IGF1R: variants seen among roughly 807,000 people sequenced by gnomAD.
The protein encoded by IGF1R is insulin like growth factor 1 receptor, also known as insulin-like growth factor 1 receptor.
IGF1R carries 44 observed loss-of-function variants against 144.6 expected under a neutral mutation model. The observed-to-expected ratio is 0.30, with a 90% CI of 0.24 to 0.39. IGF1R has a LOEUF of 0.39. Among genes scored for constraint, IGF1R ranks in the 10% least tolerant of loss-of-function variants. The pLI is 1.00. For synonymous variants in IGF1R, 795 were observed against 722.8 expected, an observed-to-expected ratio of 1.10 and a Z score of -1.60; for missense variants, 1,355 against 1,833.7, an observed-to-expected ratio of 0.74 and a Z score of 4.77.
At position 98,891,439 on chromosome 15, in the gene IGF1R, G is replaced by T. The variant is rs751059746; in HGVS notation, c.755G>T (p.Arg252Leu). The T allele has an allele frequency of 6.2e-7, 1 of 1,613,944 alleles. No homozygotes were observed. The highest frequency in any genetic ancestry group is 2.2e-5 in the East Asian group (1 of 44,868). ...PDNDTACVAC[R>L]HYYYAGVCVP... ...AACGACACGGCCTGTGTAGCTTGCC[G>T]CCACTACTACTATGCCGGTGTCTGT... The change falls in exon 3 of 21, where the codon CGC becomes CTC. Residue 252 changes from arginine to leucine, a missense_variant. Coordinates refer to ENST00000650285, the MANE Select transcript of IGF1R (RefSeq NM_000875.5). The surrounding 1 kb of genome is among the most constrained non-coding windows in gnomAD (Gnocchi z 4.7).
chr15:98,901,129 A>G lies in IGF1R; in HGVS notation c.1247+1508A>G, dbSNP rs150724041. On this transcript the variant is annotated intron_variant, in intron 5 of 20. Coordinates refer to ENST00000650285, the MANE Select transcript of IGF1R (RefSeq NM_000875.5). ...GTCTTTCTCATTATCTGAAACTTGC[A>G]TAAAACCTGAAGCATCAGCAAAATC... Among the ~76,000 whole-genome samples, 642 of 152,358 alleles carry G rather than the reference A, an allele frequency of 4.2e-3. 2 individuals carry two copies. The highest frequency in any genetic ancestry group is 0.015 in the African/African-American group (616 of 41,582).
intron 3 of IGF1R, among the ~76,000 whole-genome samples, chr15:98,892,190 C>T (rs574974678): frequency 6.6e-6 from 1 of 152,250 alleles, no homozygotes; most frequent in South Asian, 2.1e-4. Flanking sequence ...TCTACCTTGA[C>T]CCTCCCTCAG....
intron 2 of IGF1R, among the ~76,000 whole-genome samples, chr15:98,837,209 ACCATCACTAATTAGTGCCCCAC>A (rs2011104790): frequency 6.6e-6 from 1 of 152,028 alleles, no homozygotes; most frequent in Admixed American, 6.6e-5. Context: ...GCTAGTGTGC[ACCATCACTAATTAGTGCCCCAC>A]CAGTTTTGTT....
intron 2 of IGF1R, among the ~76,000 whole-genome samples, chr15:98,813,340 C>A (rs1371068919): frequency 2.0e-5 from 3 of 152,188 alleles, no homozygotes; most frequent in African/African-American, 7.2e-5. Context: ...TTTCATACTC[C>A]AGGCCAATAT....
chr15:98,787,830 GC>G (rs2056033840), intron 2 of IGF1R, among the ~76,000 whole-genome samples: 1 of 152,204 alleles, frequency 6.6e-6, no homozygotes, highest in South Asian at 2.1e-4. Flanking sequence ...ACATGTGTCT[GC>G]TTTTTGAATC....
At chr15:98,881,607 G>A (rs2013384066) in intron 2 of IGF1R, among the ~76,000 whole-genome samples, 1 of 152,210 alleles carries the variant, frequency 6.6e-6, no homozygotes, top group Non-Finnish European at 1.5e-5. Flanking sequence ...ACAGGCGTGA[G>A]CCACTGTGCC....
intron 2 of IGF1R, among the ~76,000 whole-genome samples, chr15:98,842,693 T>G (rs1690112283): frequency 6.6e-6 from 1 of 152,230 alleles, no homozygotes; most frequent in Non-Finnish European, 1.5e-5. Flanking sequence ...AGATCCTTGT[T>G]CTCTAGGCCA....
At chr15:98,875,091 C>T (rs2012987219) in intron 2 of IGF1R, among the ~76,000 whole-genome samples, 1 of 152,206 alleles carries the variant, frequency 6.6e-6, no homozygotes, top group South Asian at 2.1e-4. Context: ...CAGCCTGCAG[C>T]TTCTGCCCTC....
At chr15:98,809,560 G>A (rs1040975243) in intron 2 of IGF1R, among the ~76,000 whole-genome samples, 1 of 152,158 alleles carries the variant, frequency 6.6e-6, no homozygotes, top group Non-Finnish European at 1.5e-5. Flanking sequence ...TTCCCTCCAT[G>A]TTTTTATAAA....
At chr15:98,881,567 C>T (rs2013381116) in intron 2 of IGF1R, among the ~76,000 whole-genome samples, 1 of 152,232 alleles carries the variant, frequency 6.6e-6, no homozygotes, top group Non-Finnish European at 1.5e-5. Context: ...AGGTGATCCA[C>T]CCGTCTCGGC....
chr15:98,657,176 T>A (rs1358045756), intron 1 of IGF1R, among the ~76,000 whole-genome samples: 2 of 152,222 alleles, frequency 1.3e-5, no homozygotes, highest in Non-Finnish European at 2.9e-5. Context: ...CAGCCAAAGT[T>A]TAGTCAATAG....
At position 98,707,386 on chromosome 15, in the gene IGF1R, A is replaced by G. The variant is rs563132849; in HGVS notation, c.95-176A>G. 2.0e-5 allele frequency among the ~76,000 whole-genome samples: 3 copies of G among 152,316 alleles called. No homozygotes were observed. The highest frequency in any genetic ancestry group is 7.2e-5 in the African/African-American group (3 of 41,570). ...GTTGGCACTGTATAAATGCCAGCTA[A>G]CTGGTTAGCCACCTAAACTGTCAGT... On this transcript the variant is annotated intron_variant, in intron 1 of 20. Transcript: ENST00000650285. This position sits in a 1 kb window ranked among gnomAD's most constrained non-coding sequence, Gnocchi z 6.7.
intron 5 of IGF1R, among the ~76,000 whole-genome samples, chr15:98,903,970 T>A (rs2014602704): frequency 6.6e-6 from 1 of 151,970 alleles, no homozygotes; most frequent in Non-Finnish European, 1.5e-5. Flanking sequence ...TCTTGGATGA[T>A]GGAAGTGTTC....
intron 2 of IGF1R, among the ~76,000 whole-genome samples, chr15:98,728,258 T>G (rs988442772): frequency 3.9e-5 from 6 of 152,248 alleles, no homozygotes; most frequent in African/African-American, 1.4e-4. Context: ...TTGTTGCCGC[T>G]GGCCATCACA....
At chr15:98,701,556 G>T (rs1406960753) in intron 1 of IGF1R, among the ~76,000 whole-genome samples, 1 of 151,976 alleles carries the variant, frequency 6.6e-6, no homozygotes, top group Non-Finnish European at 1.5e-5. Flanking sequence ...TAGCCAGGAT[G>T]GTCTTGATCT....
intron 2 of IGF1R, among the ~76,000 whole-genome samples, chr15:98,855,425 A>C (rs2011755401): frequency 6.6e-6 from 1 of 152,224 alleles, no homozygotes; most frequent in South Asian, 2.1e-4. Context: ...GTACTTAGGA[A>C]GTGAGTTATT....
chr15:98,899,717 G>C (rs2014382271), intron 5 of IGF1R, 96 bp downstream of exon 5: 2 of 1,278,740 alleles, frequency 1.6e-6, no homozygotes, highest in African/African-American at 2.9e-5. Context: ...TCCCTGCCTT[G>C]TTAAAGAGAA....
Position 98,707,794 on chromosome 15 carries a change from G to C in IGF1R, c.327G>C (p.Trp109Cys), listed in dbSNP as rs2141259330. ...CCAACCTCACGGTCATCCGCGGCTG[G>C]AAACTCTTCTACAACTACGCCCTGG... Reference protein sequence around the residue: ...LFPNLTVIRGWKLFYNYALVI... With the variant: ...LFPNLTVIRGCKLFYNYALVI... The change falls in exon 2 of 21, where the codon TGG (tryptophan) becomes TGC (cysteine). Residue 109 changes from tryptophan to cysteine, a missense_variant. Trp to Cys is a radical substitution (Grantham distance 215). Around this residue, in one of 7 missense-constraint regions of IGF1R, gnomAD observed 75 missense variants for 160.0 expected, o/e 0.47. Transcript: ENST00000650285. The surrounding 1 kb of genome is among the most constrained non-coding windows in gnomAD (Gnocchi z 6.7). The C allele has an allele frequency of 6.2e-7, 1 of 1,614,196 alleles. No homozygotes were observed. Among genetic ancestry groups the C allele is most frequent in the Non-Finnish European group, 8.5e-7 (1 of 1,180,024 alleles).
chr15:98,825,215 A>G (rs185310851), intron 2 of IGF1R, among the ~76,000 whole-genome samples: 7 of 152,104 alleles, frequency 4.6e-5, no homozygotes, highest in African/African-American at 1.7e-4. Context: ...GTGGCACCAT[A>G]TTAGTGGCAC....
Sources: allele counts gnomAD v4.1 joint callset (sites outside exome capture counted in the v4.1 genomes callset), GRCh38; gene constraint gnomAD v4.1.1; regional missense constraint gnomAD v4.1.1; non-coding constraint Gnocchi (gnomAD v3.1); transcripts MANE v1.5; gene names NCBI Gene and HGNC (gene_info 2026-07-23, HGNC 2026-07-21).